Variants in CRPPA observed in about 807,000 individuals in gnomAD.
The protein encoded by CRPPA is D-ribitol-5-phosphate cytidylyltransferase.
In CRPPA, 43 loss-of-function variants were observed where a neutral mutation model predicts 52.0. The observed-to-expected ratio is 0.83, with a 90% CI of 0.65 to 1.07. The LOEUF (loss-of-function observed/expected upper bound fraction) is 1.07, where lower values mean the gene tolerates loss of function less well. CRPPA is among the 50% of genes least tolerant of loss of function. The pLI, the probability that CRPPA is intolerant of heterozygous loss-of-function variation, is 0.00. For missense variants in CRPPA, 629 were observed against 551.7 expected (o/e 1.14, Z -1.40); for synonymous variants, 250 against 203.5 (o/e 1.23, Z -1.94).
In CRPPA at chr7:16,278,231, A is replaced by C. The variant is rs1583487698; in HGVS notation, c.836-5T>G. 2 of 1,471,430 alleles carry C rather than the reference A, an allele frequency of 1.4e-6. No individual in the cohort carries two copies. Among genetic ancestry groups the C allele is most frequent in the Non-Finnish European group, 1.9e-6 (2 of 1,081,036 alleles). The allele number at this position is 1,471,430 out of a possible 1,614,324, so 91.1% of individuals were successfully genotyped here. A position where few individuals can be genotyped will look rare whatever the true frequency, so the allele number is the denominator to read the frequency against. On this transcript the variant is annotated splice_polypyrimidine_tract_variant and splice_region_variant and intron_variant, in intron 5 of 9. Coordinates refer to ENST00000407010, the MANE Select transcript of CRPPA (RefSeq NM_001101426.4). ...AAATCTCTTGGGAAATTCTCTCTGA[A>C]ATTAAAAAAAAAAAGTTTTAAGTTT...
At chr7:16,411,028 T>C (rs66743577) in intron 1 of CRPPA, among the ~76,000 whole-genome samples, 41,831 of 152,128 alleles carry the variant, frequency 0.27, 6,072 homozygotes, top group South Asian at 0.38. Context: ...TGCCAACTCA[T>C]AGAAAGCAAA....
At chr7:16,210,358 C>T (rs1583431225) in intron 9 of CRPPA, 1 of 152,138 alleles carries the variant, frequency 6.6e-6, no homozygotes. Flanking sequence ...GTCACCTCCC[C>T]TGAGTGTGGG....
chr7:16,260,769 A>T (rs911047500), intron 6 of CRPPA, among the ~76,000 whole-genome samples: 31 of 152,092 alleles, frequency 2.0e-4, no homozygotes, highest in African/African-American at 6.3e-4. Context: ...CATGTAGAGA[A>T]TGAAAACATG....
At chr7:16,234,953 G>A (rs1036641747) in intron 8 of CRPPA, among the ~76,000 whole-genome samples, 1 of 152,010 alleles carries the variant, frequency 6.6e-6, no homozygotes, top group African/African-American at 2.4e-5. Context: ...TACATGTGGA[G>A]AACTATAAAT....
intron 3 of CRPPA, among the ~76,000 whole-genome samples, chr7:16,315,267 T>C (rs1055969964): frequency 3.9e-5 from 6 of 152,164 alleles, no homozygotes; most frequent in African/African-American, 1.4e-4. Flanking sequence ...TCTGTTCTTG[T>C]TGCTATCTAC....
intron 2 of CRPPA, among the ~76,000 whole-genome samples, chr7:16,383,665 G>T (rs1388337618): frequency 6.6e-6 from 1 of 152,206 alleles, no homozygotes; most frequent in Non-Finnish European, 1.5e-5. Context: ...GAGCTTCCAG[G>T]CTGCTTTGTT....
intron 1 of CRPPA, among the ~76,000 whole-genome samples, chr7:16,409,598 G>A (rs973552900): frequency 1.3e-5 from 2 of 152,104 alleles, no homozygotes; most frequent in Admixed American, 1.3e-4. Flanking sequence ...AGAAAAAGTG[G>A]CAAAATAATA....
At chr7:16,319,647 C>A (rs1785215554) in intron 3 of CRPPA, among the ~76,000 whole-genome samples, 1 of 152,088 alleles carries the variant, frequency 6.6e-6, no homozygotes, top group African/African-American at 2.4e-5. Context: ...AGTCTCCAGT[C>A]TGGAAAAAAA....
At chr7:16,196,373 T>C (rs1781733544) in intron 9 of CRPPA, among the ~76,000 whole-genome samples, 1 of 152,048 alleles carries the variant, frequency 6.6e-6, no homozygotes, top group African/African-American at 2.4e-5. Flanking sequence ...CACACCGTGC[T>C]CAAAAAAATA....
Position 16,296,474 on chromosome 7 carries a change from T to G in CRPPA, c.835+4947A>C, listed in dbSNP as rs554129686. Among the ~76,000 whole-genome samples the G allele has an allele frequency of 1.9e-4, 29 of 152,224 alleles. No homozygotes were observed. In the East Asian group the frequency reaches 5.6e-3, roughly 29 times the overall value. Reference sequence around the variant, plus strand: ...TGAGACATGATATTTATCCTAGAAATGTTTTCTAGCACCTGAAAACAAACT... The same window carrying G: ...TGAGACATGATATTTATCCTAGAAAGGTTTTCTAGCACCTGAAAACAAACT... On this transcript the variant is annotated intron_variant, in intron 5 of 9. Coordinates refer to ENST00000407010, the MANE Select transcript of CRPPA (RefSeq NM_001101426.4).
At chr7:16,401,627 A>G (rs1787820080) in intron 2 of CRPPA, among the ~76,000 whole-genome samples, 1 of 152,228 alleles carries the variant, frequency 6.6e-6, no homozygotes, top group East Asian at 1.9e-4. Flanking sequence ...CTTAGAGTCA[A>G]TGTAATATTT....
chr7:16,286,065 ATATATATATATATAT>A (rs1784433585), intron 5 of CRPPA, among the ~76,000 whole-genome samples: 2 of 35,128 alleles, frequency 5.7e-5, no homozygotes, highest in Admixed American at 3.7e-4. Context: ...ATATATATAT[ATATATATATATATAT>A]AATATTTAAA....
chr7:16,294,973 A>G (rs1482991639), intron 5 of CRPPA, among the ~76,000 whole-genome samples: 3 of 152,116 alleles, frequency 2.0e-5, no homozygotes, highest in African/African-American at 7.2e-5. Context: ...AGGATCGCTA[A>G]GAAATCAAGG....
At chr7:16,406,710 C>A (rs974586620) in intron 1 of CRPPA, among the ~76,000 whole-genome samples, 3 of 152,034 alleles carry the variant, frequency 2.0e-5, no homozygotes, top group Admixed American at 1.3e-4. Flanking sequence ...AATACTTTTC[C>A]CTTCAATGAG....
At chr7:16,199,532 G>A (rs933556400) in intron 9 of CRPPA, among the ~76,000 whole-genome samples, 2 of 152,012 alleles carry the variant, frequency 1.3e-5, no homozygotes, top group South Asian at 2.1e-4. Flanking sequence ...CTAACTCTGC[G>A]GGATGAGCCC....
chr7:16,364,234 T>C (rs1214278020), intron 3 of CRPPA, among the ~76,000 whole-genome samples: 2 of 152,194 alleles, frequency 1.3e-5, no homozygotes, highest in East Asian at 1.9e-4. Context: ...CAAAAGGTCA[T>C]AATAATAGTG....
At chr7:16,211,517 C>T (rs933184950) in intron 9 of CRPPA, among the ~76,000 whole-genome samples, 19 of 152,086 alleles carry the variant, frequency 1.2e-4, no homozygotes, top group African/African-American at 4.6e-4. Flanking sequence ...CATTTAAATT[C>T]CAAGTAATTG....
chr7:16,336,531 A>G (rs1158331887), intron 3 of CRPPA, among the ~76,000 whole-genome samples: 1 of 147,924 alleles, frequency 6.8e-6, no homozygotes, highest in Non-Finnish European at 1.5e-5. Context: ...ACCACAAAAA[A>G]CTTCATAAAA....
intron 9 of CRPPA, among the ~76,000 whole-genome samples, chr7:16,215,849 T>C (rs974477315): frequency 4.6e-5 from 7 of 152,220 alleles, no homozygotes; most frequent in Admixed American, 2.0e-4. Context: ...ATATGAGATG[T>C]TTGCTCATTA....
Sources: allele counts gnomAD v4.1 joint callset (sites outside exome capture counted in the v4.1 genomes callset), GRCh38; gene constraint gnomAD v4.1.1; transcripts MANE v1.5; gene names NCBI Gene and HGNC (gene_info 2026-07-23, HGNC 2026-07-21).